Variants in MYZAP observed in about 807,000 individuals in gnomAD.
MYZAP encodes myocardial zonula adherens protein.
A neutral mutation model predicts 69.4 loss-of-function variants in MYZAP; 66 were observed. That is an observed-to-expected ratio of 0.95 (90% CI 0.78 to 1.17). The LOEUF (loss-of-function observed/expected upper bound fraction) is 1.17, where lower values mean the gene tolerates loss of function less well. Among genes scored for constraint, MYZAP ranks in the 50% most tolerant of loss-of-function variants. MYZAP has a pLI of 0.00. For missense variants in MYZAP, 611 were observed against 556.2 expected (o/e 1.10, Z -0.99); for synonymous variants, 256 against 205.9 (o/e 1.24, Z -2.09).
At chr15:57,635,322 G>C in intron 8 of MYZAP, among the ~76,000 whole-genome samples, 1 of 152,164 alleles carries the variant, frequency 6.6e-6, no homozygotes, top group East Asian at 1.9e-4. Context: ...ATCATTTGTG[G>C]CTATGATTTT....
chr15:57,599,564 C>G (rs2034281913), intron 1 of MYZAP: 1 of 1,285,914 alleles, frequency 7.8e-7, no homozygotes, highest in South Asian at 1.2e-5. Flanking sequence ...AACACAAGCC[C>G]TGAACCAGCT....
At chr15:57,673,447 T>C (rs1256243834) in intron 11 of MYZAP, among the ~76,000 whole-genome samples, 2 of 150,652 alleles carry the variant, frequency 1.3e-5, no homozygotes, top group Non-Finnish European at 3.0e-5. Context: ...TCTGCACGTG[T>C]GCGCATGCGT....
intron 12 of MYZAP, among the ~76,000 whole-genome samples, chr15:57,677,087 A>G (rs1392281648): frequency 6.6e-6 from 1 of 152,152 alleles, no homozygotes; most frequent in Non-Finnish European, 1.5e-5. Context: ...GGTGGGGAGG[A>G]GCCCAGAATC....
chr15:57,656,071 A>G (rs1295010405), intron 10 of MYZAP, among the ~76,000 whole-genome samples: 1 of 152,204 alleles, frequency 6.6e-6, no homozygotes, highest in Non-Finnish European at 1.5e-5. Context: ...TTTAACATTT[A>G]ATGCATCAAG....
intron 11 of MYZAP, among the ~76,000 whole-genome samples, chr15:57,664,282 G>A (rs1182241903): frequency 7.2e-5 from 11 of 152,122 alleles, no homozygotes; most frequent in Admixed American, 6.5e-4. Flanking sequence ...TTCTTCCAAG[G>A]TGATTCAAAC....
intron 10 of MYZAP, among the ~76,000 whole-genome samples, chr15:57,658,381 A>G (rs959660157): frequency 6.6e-6 from 1 of 152,164 alleles, no homozygotes; most frequent in Non-Finnish European, 1.5e-5. Flanking sequence ...ATTCCTTGCT[A>G]TTATTTAATA....
rs138381517 is a variant in MYZAP, at chr15:57,628,639, A to G, written c.526-1063A>G. Among the ~76,000 whole-genome samples the G allele has an allele frequency of 7.2e-5, 11 of 152,306 alleles. No individual in the cohort carries two copies. In the East Asian group the frequency reaches 1.5e-3, roughly 21 times the overall value. On this transcript the variant is annotated intron_variant, in intron 5 of 12. Coordinates refer to ENST00000267853, the MANE Select transcript of MYZAP (RefSeq NM_001018100.5). ...CTTGGAGCAAAAATCACTTGTCTGC[A>G]TTACCAAATTCTGTTCCTTAGTACT...
In MYZAP at chr15:57,631,464, G is replaced by GAAA. The variant is rs111892046; in HGVS notation, c.679-970_679-969insAAA. 5.9e-3 allele frequency among the ~76,000 whole-genome samples: 865 copies of GAAA among 146,122 alleles called. 22 individuals are homozygous for GAAA. The East Asian group carries it at 0.087, about 15-fold the overall frequency. ...TCCTCCTATTTTACTCCCCAAATTG[G>GAAA]GAAAAAAAAAAAAAGCTTCAGGAAC... On this transcript the variant is annotated intron_variant, in intron 6 of 12. Transcript: ENST00000267853.
intron 12 of MYZAP, 25 bp downstream of exon 12, chr15:57,675,093 T>G (rs751804923): frequency 1.9e-6 from 3 of 1,585,434 alleles, no homozygotes; most frequent in Non-Finnish European, 2.6e-6. Flanking sequence ...CCTGATTTTT[T>G]TTTTTATTCA....
intron 2 of MYZAP, 150 bp downstream of exon 2, chr15:57,604,505 C>G (rs1022610592): frequency 1.3e-6 from 1 of 775,264 alleles, no homozygotes; most frequent in East Asian, 2.7e-5. Context: ...CCTCATCTCC[C>G]GTCTTCCCAG....
At chr15:57,670,396 G>A (rs530929834) in intron 11 of MYZAP, among the ~76,000 whole-genome samples, 1 of 151,922 alleles carries the variant, frequency 6.6e-6, no homozygotes, top group Non-Finnish European at 1.5e-5. Flanking sequence ...TGATATGAAT[G>A]TAGCCATTTT....
intron 10 of MYZAP, chr15:57,646,950 T>C (rs1197771562): frequency 1.0e-6 from 1 of 985,334 alleles, no homozygotes; most frequent in Non-Finnish European, 1.2e-6. Flanking sequence ...CATTGGTGTT[T>C]TATCAGAACA....
intron 5 of MYZAP, among the ~76,000 whole-genome samples, chr15:57,629,100 A>G (rs1567215547): frequency 1.3e-5 from 2 of 151,554 alleles, no homozygotes; most frequent in Non-Finnish European, 2.9e-5. Flanking sequence ...AAAAAAAAAA[A>G]AAAAAAAGAA....
chr15:57,637,884 C>A, intron 9 of MYZAP, 110 bp downstream of exon 9: 1 of 1,141,920 alleles, frequency 8.8e-7, no homozygotes, highest in Non-Finnish European at 1.2e-6. Flanking sequence ...TACCTTATTA[C>A]AGACTTAAGC....
At chr15:57,679,435 T>G (rs1280213885) in intron 12 of MYZAP, among the ~76,000 whole-genome samples, 2 of 151,132 alleles carry the variant, frequency 1.3e-5, no homozygotes, top group Admixed American at 6.6e-5. Context: ...GGGCAGGGAT[T>G]TTCATCTCTT....
At chr15:57,625,712 C>T in intron 4 of MYZAP, 67 bp from the exon 5 acceptor site, 1 of 1,458,654 alleles carries the variant, frequency 6.9e-7, no homozygotes, top group Non-Finnish European at 9.6e-7. Flanking sequence ...AAAGTTCCAG[C>T]CTAACTGAAG....
intron 2 of MYZAP, among the ~76,000 whole-genome samples, chr15:57,607,659 TAC>T (rs1237647120): frequency 2.0e-5 from 3 of 152,168 alleles, no homozygotes; most frequent in Non-Finnish European, 4.4e-5. Flanking sequence ...GGATACTTCT[TAC>T]ACCAGGTGGA....
At chr15:57,619,942 C>T (rs1895841) in intron 3 of MYZAP, among the ~76,000 whole-genome samples, 3,828 of 152,168 alleles carry the variant, frequency 0.025, 174 homozygotes, top group African/African-American at 0.088. Flanking sequence ...CACTGTGATC[C>T]GCAACTTAAA....
At chr15:57,617,904 C>G (rs780635020) in intron 2 of MYZAP, 129 bp from the exon 3 acceptor site, 2 of 1,299,286 alleles carry the variant, frequency 1.5e-6, no homozygotes, top group Non-Finnish European at 2.0e-6. Context: ...TTTGCTCCCT[C>G]CATCTCCACT....
Sources: allele counts gnomAD v4.1 joint callset (sites outside exome capture counted in the v4.1 genomes callset), GRCh38; gene constraint gnomAD v4.1.1; transcripts MANE v1.5; gene names NCBI Gene and HGNC (gene_info 2026-07-23, HGNC 2026-07-21).